ZNF614: variants seen among roughly 807,000 people sequenced by gnomAD.
ZNF614 encodes the protein zinc finger protein 614.
Under a neutral mutation model 12.8 loss-of-function variants are expected in ZNF614, and 11 were observed. The observed-to-expected ratio is 0.86, with a 90% CI of 0.54 to 1.43. The LOEUF is 1.43. ZNF614 is among the 40% of genes most tolerant of loss of function. ZNF614 has a pLI of 0.00. For synonymous variants in ZNF614, 237 were observed against 237.5 expected (o/e 1.00, Z 0.02); for missense variants, 664 against 708.8 (o/e 0.94, Z 0.72).
At chr19:52,021,684 T>C (rs970043569) in intron 2 of ZNF614, among the ~76,000 whole-genome samples, 1 of 151,892 alleles carries the variant, frequency 6.6e-6, no homozygotes, top group Admixed American at 6.6e-5. Context: ...TGAGCCATAA[T>C]TGTGCTACTG....
At chr19:52,018,954 G>A (rs1429296544) in intron 2 of ZNF614, among the ~76,000 whole-genome samples, 1 of 152,048 alleles carries the variant, frequency 6.6e-6, no homozygotes, top group Non-Finnish European at 1.5e-5. Context: ...ATGCAACCTT[G>A]AACTCCTAAG....
At chr19:52,019,664 G>A (rs940815667) in intron 2 of ZNF614, among the ~76,000 whole-genome samples, 2 of 152,150 alleles carry the variant, frequency 1.3e-5, no homozygotes, top group African/African-American at 4.8e-5. Flanking sequence ...AATCTTCAAA[G>A]TCCTAATTCT....
At chr19:52,018,137 G>C (rs746656320) in intron 3 of ZNF614, 34 bp from the exon 4 acceptor site, 8 of 1,563,898 alleles carry the variant, frequency 5.1e-6, no homozygotes, top group Admixed American at 3.4e-5. Flanking sequence ...CAAACATCCT[G>C]AATTGGAGTC....
At position 52,018,367 on chromosome 19, in the gene ZNF614, C is replaced by A. The variant is rs1462052129; in HGVS notation, c.142+1G>T. 5 of 1,613,916 alleles carry A rather than the reference C, an allele frequency of 3.1e-6. No homozygotes were observed. Among genetic ancestry groups the A allele is most frequent in the Non-Finnish European group, 4.2e-6 (5 of 1,180,024 alleles). On this transcript the variant is annotated splice_donor_variant, in intron 3 of 4. Transcript: ENST00000270649. LOFTEE classifies it high-confidence loss of function. ...AGGTGACACAGGGAAACTATTCTTACCCAGTGATACTAGGTGGTTATAGTT... is the reference window on the plus strand; with the variant it reads ...AGGTGACACAGGGAAACTATTCTTAACCAGTGATACTAGGTGGTTATAGTT...
intron 4 of ZNF614, chr19:52,017,599 G>A (rs2086907402): frequency 2.3e-6 from 1 of 430,558 alleles, no homozygotes; most frequent in Admixed American, 4.1e-5. Context: ...TATTCAGGAG[G>A]CTGAGGCAGG....
chr19:52,025,535 G>T (rs1218022892), intron 2 of ZNF614, among the ~76,000 whole-genome samples, 196 bp downstream of exon 2: 3 of 152,040 alleles, frequency 2.0e-5, no homozygotes, highest in African/African-American at 7.3e-5. Flanking sequence ...TGTTGCCCAG[G>T]CTGGTCTTGA....
Position 52,016,366 on chromosome 19 carries a change from T to G in ZNF614, c.1232A>C (p.Lys411Thr), listed in dbSNP as rs745718214. 6.2e-7 allele frequency: 1 copy of G among 1,613,278 alleles called. No homozygotes were observed. Among genetic ancestry groups the G allele is most frequent in the Non-Finnish European group, 8.5e-7 (1 of 1,179,358 alleles). Residue 411 changes from lysine (K) to threonine (T), a missense_variant, in exon 5 of 5, where the codon AAA becomes ACA. Coordinates refer to ENST00000270649, the MANE Select transcript of ZNF614 (RefSeq NM_025040.4). ...TCGCTGATGTATAACGAGAGTGCGTTTGACAGTGAAGCCTTTTCCACATTC... is the reference window on the plus strand; with the variant it reads ...TCGCTGATGTATAACGAGAGTGCGTGTGACAGTGAAGCCTTTTCCACATTC... ...CSECGKGFTVKRTLVIHQRTH... is the reference protein window; with the variant it reads ...CSECGKGFTVTRTLVIHQRTH...
chr19:52,016,172 A>G lies in ZNF614; in HGVS notation c.1426T>C (p.Cys476Arg), dbSNP rs879049514. Residue 476 changes from cysteine to arginine, a missense_variant, in exon 5 of 5, where the codon TGT becomes CGT. Transcript: ENST00000270649. The part of the protein sequence containing the change: ...QKICLIQHER[C>R]HTGKTPFVCT... Reference sequence around the variant, plus strand: ...ACAAAGGGAGTCTTTCCTGTATGACATCTCTCATGTTGTATGAGGCATATT... The same window carrying G: ...ACAAAGGGAGTCTTTCCTGTATGACGTCTCTCATGTTGTATGAGGCATATT... 6.2e-7 allele frequency: 1 copy of G among 1,614,014 alleles called. No homozygotes were observed. Among genetic ancestry groups the G allele is most frequent in the South Asian group, 1.1e-5 (1 of 91,088 alleles).
rs2086887888 is a variant in ZNF614 at position 52,015,040 on chromosome 19, T to C, written c.*800A>G. On this transcript the variant is annotated 3_prime_UTR_variant, in exon 5 of 5. Transcript: ENST00000270649. ...GTAAAAATAAACAGTAATGAGACAG[T>C]ATATTATGGAATCATTGGCAAGGCA... is the stretch of plus-strand genomic sequence containing the variant. The C allele has an allele frequency of 6.6e-6, 1 of 152,132 alleles. No individual in the cohort carries two copies. The highest frequency in any genetic ancestry group is 2.1e-4 in the South Asian group (1 of 4,828). 9.4% of individuals were successfully genotyped at this position (152,132 alleles called of 1,614,324 possible).
chr19:52,023,801 T>C (rs1042722611), intron 2 of ZNF614, among the ~76,000 whole-genome samples: 3 of 152,166 alleles, frequency 2.0e-5, no homozygotes, highest in Non-Finnish European at 4.4e-5. Flanking sequence ...GTGTCTTTTA[T>C]ATGCTATTGA....
At chr19:52,018,535 AT>A (rs766413142) in intron 2 of ZNF614, 41 bp from the exon 3 acceptor site, 2 of 1,565,970 alleles carry the variant, frequency 1.3e-6, no homozygotes, top group Non-Finnish European at 1.7e-6. Flanking sequence ...ATAAACTCCT[AT>A]TGTTAATATA....
At position 52,016,121 on chromosome 19, in the gene ZNF614, AATAGG is replaced by A. The variant is rs1401152242; in HGVS notation, c.1472_1476del (p.Ser491PhefsTer20). 1 of 1,613,526 alleles carries A rather than the reference AATAGG, an allele frequency of 6.2e-7. No homozygotes were observed. Among genetic ancestry groups the A allele is most frequent in the Non-Finnish European group, 8.5e-7 (1 of 1,179,926 alleles). On this transcript the variant is annotated frameshift_variant, in exon 5 of 5. Transcript: ENST00000270649. LOFTEE classifies it low-confidence loss of function (END_TRUNC). ...TGGGTAATGAGGCCATATTTGTGTGAATAGGATTTTCCGCACTCGGTACATACAAA... is the reference window on the plus strand; with the variant it reads ...TGGGTAATGAGGCCATATTTGTGTGAATTTTCCGCACTCGGTACATACAAA...
chr19:52,018,527 A>G, intron 2 of ZNF614, 33 bp from the exon 3 acceptor site: 12 of 1,595,434 alleles, frequency 7.5e-6, no homozygotes, highest in Non-Finnish European at 9.4e-6. Flanking sequence ...AATATGATAT[A>G]AACTCCTATT....
chr19:52,025,437 C>T (rs964836162), intron 2 of ZNF614, among the ~76,000 whole-genome samples: 2 of 152,134 alleles, frequency 1.3e-5, no homozygotes, highest in African/African-American at 4.8e-5. Flanking sequence ...TCTTCTCCCA[C>T]CTTAGCCTCC....
Position 52,016,678 on chromosome 19 carries a change from C to A in ZNF614, c.920G>T (p.Arg307Leu). ...ATAAGGTTTCTCTCCACTATGAGTT[C>A]GCTGATGAGCAATTAGATAGCGCTT... ...TMKRYLIAHQ[R>L]THSGEKPYVC... Residue 307 changes from arginine to leucine, a missense_variant, in exon 5 of 5, where the codon CGA becomes CTA. Transcript: ENST00000270649. 3 of 1,614,180 alleles carry A rather than the reference C, an allele frequency of 1.9e-6. No individual in the cohort carries two copies. The highest frequency in any genetic ancestry group is 2.5e-6 in the Non-Finnish European group (3 of 1,180,032).
rs989115266 is a variant in ZNF614, at chr19:52,013,801, T to C, written c.*2039A>G. ...AATCTGTACATGTAATACAACTTCT[T>C]AGAGTACAAACTAAAAAAGAAAAAA... On this transcript the variant is annotated 3_prime_UTR_variant, in exon 5 of 5. Coordinates refer to ENST00000270649, the MANE Select transcript of ZNF614 (RefSeq NM_025040.4). 3 of 152,126 alleles carry C rather than the reference T, an allele frequency of 2.0e-5. No individual in the cohort carries two copies. Among genetic ancestry groups the C allele is most frequent in the Admixed American group, 1.3e-4 (2 of 15,262 alleles). The allele number at this position is 152,126 out of a possible 1,614,324, so 9.4% of individuals were successfully genotyped here.
intron 4 of ZNF614, 129 bp downstream of exon 4, chr19:52,017,879 T>C: frequency 6.5e-6 from 4 of 618,918 alleles, no homozygotes; most frequent in Non-Finnish European, 1.1e-5. Context: ...TTAAAAAAGT[T>C]ATCAGATGGG....
rs1366615494 is a variant in ZNF614, at chr19:52,013,827, AC to A, written c.*2012del. 29 of 150,490 alleles carry A rather than the reference AC, an allele frequency of 1.9e-4. No individual in the cohort carries two copies. Among genetic ancestry groups the A allele is most frequent in the African/African-American group, 6.7e-4 (27 of 40,364 alleles). The allele number at this position is 150,490 out of a possible 1,614,324, so 9.3% of individuals were successfully genotyped here. A position where few individuals can be genotyped will look rare whatever the true frequency, so the allele number is the denominator to read the frequency against. ...AGAGTACAAACTAAAAAAGAAAAAA[AC>A]ATGTAAAAATTCGTCAAATCCAAAA... On this transcript the variant is annotated 3_prime_UTR_variant, in exon 5 of 5. Coordinates refer to ENST00000270649, the MANE Select transcript of ZNF614 (RefSeq NM_025040.4).
Position 52,014,933 on chromosome 19 carries a change from C to G in ZNF614, c.*907G>C, listed in dbSNP as rs2086887404. ...AAAAACTCTTATCACTCATGAAATT[C>G]TAAGCGTTTTAGGAGCTCTATGCCA... On this transcript the variant is annotated 3_prime_UTR_variant, in exon 5 of 5. Transcript: ENST00000270649. 6.6e-6 allele frequency: 1 copy of G among 152,186 alleles called. No individual in the cohort carries two copies. The highest frequency in any genetic ancestry group is 6.5e-5 in the Admixed American group (1 of 15,286). The allele number at this position is 152,186 out of a possible 1,614,324, so 9.4% of individuals were successfully genotyped here.
Sources: gnomAD v4.1 joint callset for allele counts (sites outside exome capture counted in the v4.1 genomes callset) on GRCh38, gnomAD v4.1.1 for gene constraint, MANE v1.5 for transcripts, NCBI Gene and HGNC (gene_info 2026-07-23, HGNC 2026-07-21) for gene names.